The following PMS1 variants were observed in gnomAD, a reference collection of about 807,000 sequenced individuals.
PMS1 encodes PMS1 protein homolog 1.
A neutral mutation model predicts 93.1 loss-of-function variants in PMS1; 79 were observed. The observed-to-expected ratio is 0.85, with a 90% CI of 0.71 to 1.02. PMS1 has a LOEUF of 1.02. Ranked by LOEUF, PMS1 falls within the 50% of genes least tolerant of loss-of-function variation. The pLI is 0.00. For synonymous variants in PMS1, 335 were observed against 363.4 expected (o/e 0.92, Z 0.89); for missense variants, 1,064 against 1,085.3 (o/e 0.98, Z 0.28).
chr2:189,844,756 G>T (rs2054114715), intron 6 of PMS1, among the ~76,000 whole-genome samples: 1 of 151,336 alleles, frequency 6.6e-6, no homozygotes, highest in Non-Finnish European at 1.5e-5. Flanking sequence ...CCCTAATACT[G>T]GATGACGTTC....
intron 3 of PMS1, among the ~76,000 whole-genome samples, chr2:189,796,799 C>T (rs1319264692): frequency 6.6e-6 from 1 of 152,146 alleles, no homozygotes; most frequent in Admixed American, 6.5e-5. Context: ...TACTTTCACC[C>T]ACCTTTGGGC....
At chr2:189,872,960 GTAATT>G (rs1178113615) in intron 11 of PMS1, among the ~76,000 whole-genome samples, 1 of 152,150 alleles carries the variant, frequency 6.6e-6, no homozygotes, top group Non-Finnish European at 1.5e-5. Context: ...ATTACTAAGA[GTAATT>G]TAAGTAACAG....
chr2:189,809,453 T>C (rs1022641984), intron 4 of PMS1, among the ~76,000 whole-genome samples: 8 of 117,032 alleles, frequency 6.8e-5, no homozygotes, highest in South Asian at 4.9e-4. Flanking sequence ...ATTTCTTTTT[T>C]TTTTTTTTTT....
chr2:189,847,457 G>A (rs2054348595), intron 6 of PMS1, among the ~76,000 whole-genome samples: 1 of 149,678 alleles, frequency 6.7e-6, no homozygotes, highest in Non-Finnish European at 1.5e-5. Context: ...TTTTTAAACT[G>A]TCTATGGATT....
intron 11 of PMS1, among the ~76,000 whole-genome samples, chr2:189,871,763 G>A (rs1191666039): frequency 2.0e-5 from 3 of 152,126 alleles, no homozygotes; most frequent in Non-Finnish European, 4.4e-5. Context: ...GTTTGTTTGT[G>A]TTGCTATAAA....
Position 189,855,135 on chromosome 2 carries a change from T to C in PMS1, c.1856+7T>C, listed in dbSNP as rs2055175036. 1 of 1,610,076 alleles carries C rather than the reference T, an allele frequency of 6.2e-7. No individual in the cohort carries two copies. The highest frequency in any genetic ancestry group is 1.3e-5 in the African/African-American group (1 of 74,958). On this transcript the variant is annotated splice_region_variant and intron_variant, in intron 9 of 12. Transcript: ENST00000441310. ...GTGAAGAGGAAAAACTGAAGTAAGTTTCCAGAGCTTGCATGTGACTTGAAT... is the reference window on the plus strand; with the variant it reads ...GTGAAGAGGAAAAACTGAAGTAAGTCTCCAGAGCTTGCATGTGACTTGAAT...
At chr2:189,852,575 T>C in intron 6 of PMS1, 80 bp from the exon 7 acceptor site, 1 of 1,240,476 alleles carries the variant, frequency 8.1e-7, no homozygotes, top group Non-Finnish European at 1.2e-6. Context: ...TTAATTTTTT[T>C]ATACCTTTCA....
At chr2:189,834,966 C>T (rs942011790) in intron 5 of PMS1, among the ~76,000 whole-genome samples, 1 of 152,104 alleles carries the variant, frequency 6.6e-6, no homozygotes. Flanking sequence ...CTGCCTCAGC[C>T]TCCCAAAGTG....
chr2:189,857,722 C>T (rs1018862185), intron 9 of PMS1, among the ~76,000 whole-genome samples: 1 of 152,004 alleles, frequency 6.6e-6, no homozygotes, highest in Non-Finnish European at 1.5e-5. Context: ...TTTCCCAACT[C>T]ATGAATGGTG....
At chr2:189,807,244 AT>A (rs1177424498) in intron 4 of PMS1, among the ~76,000 whole-genome samples, 1 of 152,032 alleles carries the variant, frequency 6.6e-6, no homozygotes, top group Non-Finnish European at 1.5e-5. Context: ...GACAATGCAC[AT>A]TTTTTCCTCA....
chr2:189,857,581 C>A, intron 9 of PMS1: 1 of 395,676 alleles, frequency 2.5e-6, no homozygotes, highest in South Asian at 2.0e-5. Flanking sequence ...TTCTTTTTTT[C>A]TTCCTTTTTT....
chr2:189,868,643 C>T (rs2056878732), intron 11 of PMS1, among the ~76,000 whole-genome samples: 1 of 152,142 alleles, frequency 6.6e-6, no homozygotes. Context: ...CTAAACTTGT[C>T]ATGCCCAAAG....
intron 5 of PMS1, among the ~76,000 whole-genome samples, chr2:189,824,063 T>C (rs920997441): frequency 2.0e-5 from 3 of 152,202 alleles, no homozygotes; most frequent in African/African-American, 7.2e-5. Context: ...ACTTGTCTTA[T>C]CTGTGAATTA....
intron 1 of PMS1, among the ~76,000 whole-genome samples, chr2:189,790,220 G>C (rs1017889855): frequency 6.6e-6 from 1 of 152,180 alleles, no homozygotes; most frequent in Non-Finnish European, 1.5e-5. Flanking sequence ...GATTGAAAAA[G>C]ACATTATAAT....
intron 5 of PMS1, among the ~76,000 whole-genome samples, chr2:189,831,120 T>C (rs1321947188): frequency 2.0e-5 from 3 of 152,190 alleles, no homozygotes; most frequent in Non-Finnish European, 4.4e-5. Flanking sequence ...AGAGAAATAG[T>C]TTAAACATAA....
Position 189,854,988 on chromosome 2 carries a change from G to T in PMS1, c.1716G>T (p.Lys572Asn), listed in dbSNP as rs1257234619. 1 of 1,613,504 alleles carries T rather than the reference G, an allele frequency of 6.2e-7. No individual in the cohort carries two copies. Among genetic ancestry groups the T allele is most frequent in the Admixed American group, 1.7e-5 (1 of 60,010 alleles). ...ATTTACTTAGCAATCGAGTAATCAA[G>T]AAACCCATGTCAGCAAGTGCTCTTT... Reference protein sequence around the residue: ...AYDLLSNRVIKKPMSASALFV... With the variant: ...AYDLLSNRVINKPMSASALFV... The change falls in exon 9 of 13, where the codon AAG (lysine) becomes AAT (asparagine). Residue 572 changes from lysine (K) to asparagine (N), a missense_variant. Coordinates refer to ENST00000441310, the MANE Select transcript of PMS1 (RefSeq NM_000534.5).
In PMS1 at chr2:189,818,197, C is replaced by T. The variant is rs1368577612; in HGVS notation, c.582+17C>T. 1.3e-6 allele frequency: 2 copies of T among 1,503,644 alleles called. No individual in the cohort carries two copies. Among genetic ancestry groups the T allele is most frequent in the Non-Finnish European group, 1.8e-6 (2 of 1,082,954 alleles). The allele number at this position is 1,503,644 out of a possible 1,614,324, so 93.1% of individuals were successfully genotyped here. Reference sequence around the variant, plus strand: ...CATAACAAGGTAAACATTATTTTATCTTTATAAGTTTCTGGGTATATGATA... The same window carrying T: ...CATAACAAGGTAAACATTATTTTATTTTTATAAGTTTCTGGGTATATGATA... On this transcript the variant is annotated intron_variant, in intron 5 of 12. Coordinates refer to ENST00000441310, the MANE Select transcript of PMS1 (RefSeq NM_000534.5).
chr2:189,855,592 T>C (rs1316677817), intron 9 of PMS1, among the ~76,000 whole-genome samples: 3 of 151,992 alleles, frequency 2.0e-5, no homozygotes, highest in African/African-American at 7.2e-5. Flanking sequence ...CAAAAAAATT[T>C]GTATTATTGG....
At chr2:189,808,585 C>T (rs575244332) in intron 4 of PMS1, among the ~76,000 whole-genome samples, 1 of 152,284 alleles carries the variant, frequency 6.6e-6, no homozygotes, top group African/African-American at 2.4e-5. Flanking sequence ...CCCTCCTCAG[C>T]CCCGCAAAGT....
Sources: allele counts gnomAD v4.1 joint callset (sites outside exome capture counted in the v4.1 genomes callset), GRCh38; gene constraint gnomAD v4.1.1; transcripts MANE v1.5; gene names NCBI Gene and HGNC (gene_info 2026-07-23, HGNC 2026-07-21).